Variants in PHC3 observed in about 807,000 individuals in gnomAD.
PHC3 encodes the protein polyhomeotic-like protein 3.
A neutral mutation model predicts 107.4 loss-of-function variants in PHC3; 13 were observed. The ratio of observed to expected loss-of-function variants is 0.12; its 90% confidence interval spans 0.08 to 0.19. The LOEUF is 0.19. PHC3 is among the 10% of genes least tolerant of loss of function. The pLI, the probability that PHC3 is intolerant of heterozygous loss-of-function variation, is 1.00. For synonymous variants in PHC3, 456 were observed against 427.4 expected, an observed-to-expected ratio of 1.07 and a Z score of -0.83; for missense variants, 992 against 1,210.9, an observed-to-expected ratio of 0.82 and a Z score of 2.68.
At chr3:170,174,657 A>G (rs1350082643) in intron 2 of PHC3, among the ~76,000 whole-genome samples, 1 of 152,194 alleles carries the variant, frequency 6.6e-6, no homozygotes, top group Non-Finnish European at 1.5e-5. Context: ...CCATAATGCC[A>G]TGAATCCTTT....
At chr3:170,141,640 C>G (rs1577132305) in intron 6 of PHC3, among the ~76,000 whole-genome samples, 1 of 152,094 alleles carries the variant, frequency 6.6e-6, no homozygotes, top group African/African-American at 2.4e-5. Context: ...GAGACAGGGT[C>G]TCACTTTGCT....
rs182031233 is a variant in PHC3, at chr3:170,153,653, C to T, written c.415-4409G>A. On this transcript the variant is annotated intron_variant, in intron 4 of 14. Coordinates refer to ENST00000495893, the MANE Select transcript of PHC3 (RefSeq NM_024947.4). ...TGGCGGGTGCCTGTAGTCCCAGCTA[C>T]TCGGGAGGCTGAGGCAGGAGAATGG... Among the ~76,000 whole-genome samples the T allele has an allele frequency of 8.1e-3, 1,231 of 151,638 alleles. 19 individuals carry two copies. Among genetic ancestry groups the T allele is most frequent in the African/African-American group, 0.028 (1,166 of 41,334 alleles).
intron 4 of PHC3, among the ~76,000 whole-genome samples, chr3:170,159,352 G>A (rs1020178786): frequency 2.0e-5 from 3 of 151,458 alleles, no homozygotes; most frequent in Non-Finnish European, 4.4e-5. Flanking sequence ...AAAGAACAAT[G>A]AGAAAACAAG....
chr3:170,106,572 T>G (rs1460714910), intron 12 of PHC3, among the ~76,000 whole-genome samples: 1 of 152,204 alleles, frequency 6.6e-6, no homozygotes, highest in Admixed American at 6.5e-5. Context: ...ACTACTTTAA[T>G]ATTAGATTAT....
intron 4 of PHC3, among the ~76,000 whole-genome samples, chr3:170,157,254 G>A (rs1727040018): frequency 6.6e-6 from 1 of 152,170 alleles, no homozygotes; most frequent in South Asian, 2.1e-4. Flanking sequence ...CAGAATACCT[G>A]TGTTTACAAT....
chr3:170,151,573 G>A (rs910469791), intron 4 of PHC3, among the ~76,000 whole-genome samples: 4 of 152,180 alleles, frequency 2.6e-5, no homozygotes, highest in Non-Finnish European at 5.9e-5. Context: ...GTTCTATAGA[G>A]CCAGAAGATC....
At chr3:170,100,293 G>C (rs1029423546) in intron 14 of PHC3, among the ~76,000 whole-genome samples, 3 of 152,062 alleles carry the variant, frequency 2.0e-5, no homozygotes, top group African/African-American at 4.8e-5. Context: ...AACAAACAGC[G>C]CTTAATGAGA....
intron 9 of PHC3, among the ~76,000 whole-genome samples, chr3:170,117,913 TGA>T (rs1719374216): frequency 1.3e-5 from 2 of 151,280 alleles, no homozygotes; most frequent in South Asian, 4.2e-4. Context: ...CTTGGGAGGC[TGA>T]GACAGGAGAA....
chr3:170,126,528 A>ATATATATTTT lies in PHC3; in HGVS notation c.1788+2155_1788+2156insAAAATATATA, dbSNP rs370421296. ...TGTATATATATATATATATATATAT[A>ATATATATTTT]TTTTTTTTTTTTTTTCCTTTTTCTT... On this transcript the variant is annotated intron_variant, in intron 8 of 14. Coordinates refer to ENST00000495893, the MANE Select transcript of PHC3 (RefSeq NM_024947.4). Among the ~76,000 whole-genome samples the ATATATATTTT allele has an allele frequency of 2.4e-4, 22 of 90,610 alleles. 1 individual carries two copies. The highest frequency in any genetic ancestry group is 8.5e-4 in the African/African-American group (19 of 22,330). The allele number at this position is 90,610 out of a possible 152,430, so 59.4% of individuals were successfully genotyped here.
intron 4 of PHC3, among the ~76,000 whole-genome samples, chr3:170,153,483 G>A (rs189664988): frequency 5.9e-5 from 9 of 152,230 alleles, no homozygotes; most frequent in African/African-American, 2.2e-4. Context: ...ATCTTCTGAG[G>A]CCGGGCGCGG....
chr3:170,152,596 A>T (rs1726187926), intron 4 of PHC3, among the ~76,000 whole-genome samples: 1 of 151,790 alleles, frequency 6.6e-6, no homozygotes, highest in Non-Finnish European at 1.5e-5. Flanking sequence ...ATTCCCTCTC[A>T]GTCTTCTTTA....
chr3:170,100,843 T>C (rs1050794272), intron 14 of PHC3, among the ~76,000 whole-genome samples: 4 of 152,168 alleles, frequency 2.6e-5, no homozygotes, highest in Admixed American at 2.6e-4. Flanking sequence ...TTTGGGCAAC[T>C]ACTTTTCTCA....
rs143332681 is a variant in PHC3 at position 170,110,228 on chromosome 3, C to T, written c.2353+3132G>A. 4.1e-4 allele frequency among the ~76,000 whole-genome samples: 63 copies of T among 152,112 alleles called. 1 individual carries two copies. In the East Asian group the frequency reaches 0.011, roughly 27 times the overall value. On this transcript the variant is annotated intron_variant, in intron 11 of 14. Coordinates refer to ENST00000495893, the MANE Select transcript of PHC3 (RefSeq NM_024947.4). ...AAAAACACTCTTTTATTCGTAACACCTTCCTAAAAATCTTCAGTACTATCC... is the reference window on the plus strand; with the variant it reads ...AAAAACACTCTTTTATTCGTAACACTTTCCTAAAAATCTTCAGTACTATCC...
chr3:170,132,254 G>A (rs1396348072), intron 7 of PHC3, among the ~76,000 whole-genome samples: 2 of 152,078 alleles, frequency 1.3e-5, no homozygotes, highest in Non-Finnish European at 2.9e-5. Context: ...ACCCCATGAA[G>A]GTGATAGGGT....
chr3:170,106,140 TGGTGGAGGATGCAGTGA>T (rs2108292530), intron 12 of PHC3, among the ~76,000 whole-genome samples: 1 of 152,196 alleles, frequency 6.6e-6, no homozygotes, highest in Admixed American at 6.5e-5. Flanking sequence ...TGAGACTGGG[TGGTGGAGGATGCAGTGA>T]GCCGAGACGG....
Position 170,101,237 on chromosome 3 carries a change from C to A in PHC3, c.2833+1242G>T, listed in dbSNP as rs181669362. Among the ~76,000 whole-genome samples, 7 of 152,252 alleles carry A rather than the reference C, an allele frequency of 4.6e-5. No individual in the cohort carries two copies. The East Asian group carries it at 1.2e-3, about 25-fold the overall frequency. ...CTCCACTTTAAACAATTCCATCTTT[C>A]TTTAAAAGTGGCCATATTTTTTTAA... On this transcript the variant is annotated intron_variant, in intron 14 of 14. Transcript: ENST00000495893.
chr3:170,139,166 C>T (rs1438241725), intron 6 of PHC3, among the ~76,000 whole-genome samples: 2 of 152,206 alleles, frequency 1.3e-5, no homozygotes, highest in Non-Finnish European at 2.9e-5. Context: ...CTAGTAGACT[C>T]TCATCTCAAC....
intron 10 of PHC3, 169 bp downstream of exon 10, chr3:170,117,057 C>G: frequency 1.2e-6 from 1 of 861,182 alleles, no homozygotes; most frequent in South Asian, 2.1e-5. Flanking sequence ...GCATAAAATT[C>G]TACATAAACA....
chr3:170,087,989 A>G lies in PHC3; in HGVS notation c.*9241T>C, dbSNP rs540577558. On this transcript the variant is annotated 3_prime_UTR_variant, in exon 15 of 15. Coordinates refer to ENST00000495893, the MANE Select transcript of PHC3 (RefSeq NM_024947.4). ...TAGATCAAATGTGCTCTTACAATGC[A>G]AAATTAACCTTCATTTTCAGGTTAT... The G allele has an allele frequency of 6.6e-6, 1 of 152,320 alleles. No individual in the cohort carries two copies. The highest frequency in any genetic ancestry group is 2.4e-5 in the African/African-American group (1 of 41,590). 9.4% of individuals were successfully genotyped at this position (152,320 alleles called of 1,614,324 possible). A position where few individuals can be genotyped will look rare whatever the true frequency, so the allele number is the denominator to read the frequency against.
Sources: gnomAD v4.1 joint callset for allele counts (sites outside exome capture counted in the v4.1 genomes callset) on GRCh38, gnomAD v4.1.1 for gene constraint, MANE v1.5 for transcripts, NCBI Gene and HGNC (gene_info 2026-07-23, HGNC 2026-07-21) for gene names.